The following MROH7 variants were observed in gnomAD, a reference collection of about 807,000 sequenced individuals.
MROH7 encodes the protein maestro heat like repeat family member 7, also known as maestro heat-like repeat-containing protein family member 7.
In MROH7, 113 loss-of-function variants were observed where a neutral mutation model predicts 129.2. The ratio of observed to expected loss-of-function variants is 0.87; its 90% CI spans 0.75 to 1.02. The LOEUF (loss-of-function observed/expected upper bound fraction) is 1.02, where lower values mean the gene tolerates loss of function less well. Among genes scored for constraint, MROH7 ranks in the 50% least tolerant of loss-of-function variants. MROH7 has a pLI of 0.00. For synonymous variants in MROH7, 655 were observed against 667.9 expected (o/e 0.98, Z 0.30); for missense variants, 1,601 against 1,671.3 (o/e 0.96, Z 0.73).
chr1:54,698,118 C>T (rs938556025), intron 17 of MROH7: 2 of 166,972 alleles, frequency 1.2e-5, no homozygotes, highest in Non-Finnish European at 2.6e-5. Flanking sequence ...GGCTTCCTGT[C>T]GCCCTCTCTG....
chr1:54,681,373 G>A (rs1218414065), intron 13 of MROH7, among the ~76,000 whole-genome samples: 1 of 152,172 alleles, frequency 6.6e-6, no homozygotes, highest in Non-Finnish European at 1.5e-5. Flanking sequence ...TCTTGGCTTT[G>A]CTTCCAGGGT....
chr1:54,664,560 A>G (rs150861399), intron 3 of MROH7, among the ~76,000 whole-genome samples: 7 of 152,350 alleles, frequency 4.6e-5, no homozygotes, highest in African/African-American at 1.7e-4. Context: ...ATAGTGAAGC[A>G]GGCAAGTGGT....
chr1:54,693,194 A>C (rs1425927016), intron 16 of MROH7, among the ~76,000 whole-genome samples: 1 of 152,204 alleles, frequency 6.6e-6, no homozygotes, highest in East Asian at 1.9e-4. Flanking sequence ...ATTTTGTGTC[A>C]GTTCTTTTGT....
At chr1:54,643,367 G>A (rs1644416562) in intron 1 of MROH7, among the ~76,000 whole-genome samples, 1 of 152,200 alleles carries the variant, frequency 6.6e-6, no homozygotes, top group Non-Finnish European at 1.5e-5. Flanking sequence ...AGGCAAGAGG[G>A]AGGCCAAAAC....
intron 3 of MROH7, among the ~76,000 whole-genome samples, chr1:54,660,136 T>C (rs530211349): frequency 6.6e-6 from 1 of 152,314 alleles, no homozygotes; most frequent in South Asian, 2.1e-4. Context: ...GAGTAATTTA[T>C]AAACAACAGG....
chr1:54,660,850 A>T (rs567210892), intron 3 of MROH7, among the ~76,000 whole-genome samples: 97 of 152,230 alleles, frequency 6.4e-4, no homozygotes, highest in Non-Finnish European at 1.1e-3. Context: ...AAAGAGAAAA[A>T]TAAAAAATCA....
chr1:54,697,868 C>T (rs894208420), intron 17 of MROH7: 6 of 522,192 alleles, frequency 1.1e-5, no homozygotes, highest in African/African-American at 9.5e-5. Flanking sequence ...TCTTGCCAGA[C>T]CTTATGGGGC....
rs1553176969 is a variant in MROH7 at position 54,699,187 on chromosome 1, C to CTTTCTT, written c.2965-1133_2965-1132insTTCTTT. ...TCTTTCTTTCTTTCTTTCTTTCTTTCTCTTTCTTTCTTTCTTTCTCTCCCT... is the reference window on the plus strand; with the variant it reads ...TCTTTCTTTCTTTCTTTCTTTCTTTCTTTCTTTCTTTCTTTCTTTCTTTCTCTCCCT... On this transcript the variant is annotated intron_variant, in intron 17 of 23. Coordinates refer to ENST00000421030, the MANE Select transcript of MROH7 (RefSeq NM_001039464.4). 15 of 75,960 alleles carry CTTTCTT rather than the reference C, an allele frequency of 2.0e-4. 1 individual carries two copies. The South Asian group carries it at 2.1e-3, about 11-fold the overall frequency. 4.7% of individuals were successfully genotyped at this position (75,960 alleles called of 1,614,324 possible).
In MROH7 at chr1:54,670,926, C is replaced by A. The variant is rs781230744; in HGVS notation, c.1596C>A (p.Ile532=). Residue 532 remains isoleucine, a synonymous_variant, in exon 7 of 24, where the codon ATC becomes ATA. Transcript: ENST00000421030. ...AGGACGAGGCCAAGGCTGAGACCATCCAGGTGAGGCGGGACCTTCCCAGCA... is the reference window on the plus strand; with the variant it reads ...AGGACGAGGCCAAGGCTGAGACCATACAGGTGAGGCGGGACCTTCCCAGCA... ...QEKDEAKAET[I]QALYHQTLEA... 2.5e-6 allele frequency: 4 copies of A among 1,599,976 alleles called. No individual in the cohort carries two copies. Among genetic ancestry groups the A allele is most frequent in the Non-Finnish European group, 3.4e-6 (4 of 1,173,726 alleles).
intron 10 of MROH7, among the ~76,000 whole-genome samples, chr1:54,677,538 C>T (rs1645001732): frequency 6.6e-6 from 1 of 152,188 alleles, no homozygotes; most frequent in African/African-American, 2.4e-5. Context: ...TCTGTCCAGG[C>T]CCCCTGACTG....
chr1:54,700,329 G>C lies in MROH7; in HGVS notation c.2973G>C (p.Gln991His), dbSNP rs750198714. Reference sequence around the variant, plus strand: ...ACCCTTTGCTCCCTCAGCTCCTCCAGATGGAGCAGGTGCGCCGGATCCCCG... The same window carrying C: ...ACCCTTTGCTCCCTCAGCTCCTCCACATGGAGCAGGTGCGCCGGATCCCCG... ...TATAFFVELL[Q>H]MEQVRRIPEE... The change falls in exon 18 of 24, where the codon CAG becomes CAC. Residue 991 changes from glutamine (Q) to histidine (H), a missense_variant. Coordinates refer to ENST00000421030, the MANE Select transcript of MROH7 (RefSeq NM_001039464.4). 28 of 1,614,040 alleles carry C rather than the reference G, an allele frequency of 1.7e-5. No individual in the cohort carries two copies. Among genetic ancestry groups the C allele is most frequent in the Non-Finnish European group, 2.3e-5 (27 of 1,180,028 alleles).
intron 2 of MROH7, among the ~76,000 whole-genome samples, chr1:54,652,206 G>A (rs1655522): frequency 0.82 from 125,148 of 152,086 alleles, 52,054 homozygotes; most frequent in East Asian, 0.93. Context: ...TAGTGCCATG[G>A]GTACTGGCAG....
intron 1 of MROH7, among the ~76,000 whole-genome samples, chr1:54,645,727 A>G (rs547761982): frequency 5.5e-4 from 76 of 138,078 alleles, no homozygotes; most frequent in Non-Finnish European, 9.5e-4. Context: ...ATCTTGGCTC[A>G]CCGCAGGCTT....
At chr1:54,691,261 C>A (rs958709898) in intron 15 of MROH7, among the ~76,000 whole-genome samples, 12 of 152,142 alleles carry the variant, frequency 7.9e-5, no homozygotes, top group Non-Finnish European at 1.5e-5. Flanking sequence ...AAATTCTGCC[C>A]TCAGGAGAAG....
At chr1:54,693,969 C>G (rs1381991173) in intron 16 of MROH7, among the ~76,000 whole-genome samples, 1 of 152,184 alleles carries the variant, frequency 6.6e-6, no homozygotes. Flanking sequence ...GCAACCTCTG[C>G]CTCCTGGGTT....
chr1:54,678,275 T>C (rs992673742), intron 10 of MROH7, among the ~76,000 whole-genome samples: 1 of 152,190 alleles, frequency 6.6e-6, no homozygotes, highest in Non-Finnish European at 1.5e-5. Flanking sequence ...CGATGCTTAG[T>C]AGCTGGCAAT....
chr1:54,643,546 C>T (rs1434268641), intron 1 of MROH7, among the ~76,000 whole-genome samples: 10 of 152,182 alleles, frequency 6.6e-5, no homozygotes, highest in East Asian at 1.9e-4. Context: ...CCTGGCCTGT[C>T]CACCAGTCAT....
intron 7 of MROH7, among the ~76,000 whole-genome samples, chr1:54,671,969 T>C (rs1346268539): frequency 6.6e-6 from 1 of 151,972 alleles, no homozygotes; most frequent in Non-Finnish European, 1.5e-5. Context: ...GGGTTGTGAT[T>C]GTGAAACTGA....
Position 54,700,441 on chromosome 1 carries a change from C to T in MROH7, c.3085C>T (p.Leu1029=), listed in dbSNP as rs371785535. The T allele has an allele frequency of 1.3e-4, 215 of 1,603,794 alleles. No individual in the cohort carries two copies. The highest frequency in any genetic ancestry group is 1.7e-4 in the Non-Finnish European group (204 of 1,174,254). Residue 1029 remains leucine (L), a synonymous_variant, in exon 18 of 24, where the codon CTG becomes TTG. Coordinates refer to ENST00000421030, the MANE Select transcript of MROH7 (RefSeq NM_001039464.4). The part of the protein sequence containing the change: ...KVLSIRGLVI[L]ARRSEKTAKV... Reference sequence around the variant, plus strand: ...GCTGTCCATTCGAGGCCTGGTCATCCTGGCCCGCAGGTCTGAGAAGGTGAG... The same window carrying T: ...GCTGTCCATTCGAGGCCTGGTCATCTTGGCCCGCAGGTCTGAGAAGGTGAG...
Sources: allele counts gnomAD v4.1 joint callset (sites outside exome capture counted in the v4.1 genomes callset), GRCh38; gene constraint gnomAD v4.1.1; transcripts MANE v1.5; gene names NCBI Gene and HGNC (gene_info 2026-07-23, HGNC 2026-07-21).